The following DCAF5 variants were observed in gnomAD, a reference collection of about 807,000 sequenced individuals.
DCAF5 encodes the protein DDB1 and CUL4 associated factor 5.
Under a neutral mutation model 80.7 loss-of-function variants are expected in DCAF5, and 9 were observed. The ratio of observed to expected loss-of-function variants is 0.11; its 90% CI spans 0.07 to 0.19. DCAF5 has a LOEUF of 0.19. DCAF5 is among the 10% of genes least tolerant of loss of function. The pLI, the probability that DCAF5 is intolerant of heterozygous loss-of-function variation, is 1.00. For synonymous variants in DCAF5, 433 were observed against 461.9 expected (o/e 0.94, Z 0.80); for missense variants, 842 against 1,205.7 (o/e 0.70, Z 4.47).
At chr14:69,110,160 T>G (rs1384009788) in intron 5 of DCAF5, among the ~76,000 whole-genome samples, 1 of 152,164 alleles carries the variant, frequency 6.6e-6, no homozygotes, top group Non-Finnish European at 1.5e-5. Context: ...TTAAATTGAT[T>G]TTTTGTTTTT....
At chr14:69,071,046 C>A (rs376502523) in intron 7 of DCAF5, among the ~76,000 whole-genome samples, 1 of 152,132 alleles carries the variant, frequency 6.6e-6, no homozygotes, top group African/African-American at 2.4e-5. Context: ...GATCTGCCCC[C>A]CTCAGCCTCC....
At position 69,104,515 on chromosome 14, in the gene DCAF5, G is replaced by A. The variant is rs114152113; in HGVS notation, c.665+11851C>T. Among the ~76,000 whole-genome samples the A allele has an allele frequency of 8.7e-3, 1,330 of 152,036 alleles. 20 individuals are homozygous for A. Among genetic ancestry groups the A allele is most frequent in the African/African-American group, 0.031 (1,265 of 41,472 alleles). On this transcript the variant is annotated intron_variant, in intron 5 of 8. Transcript: ENST00000341516. ...GCATAAGCTAGAATATAAGAAATTCGTAAGACAAATAATCCAGTTTCTTCA... is the reference window on the plus strand; with the variant it reads ...GCATAAGCTAGAATATAAGAAATTCATAAGACAAATAATCCAGTTTCTTCA...
At chr14:69,148,752 C>CATATATGTTAACATATATGTTA (rs2041619977) in intron 1 of DCAF5, among the ~76,000 whole-genome samples, 3 of 152,178 alleles carry the variant, frequency 2.0e-5, no homozygotes, top group African/African-American at 7.2e-5. Flanking sequence ...AAAGCACCTT[C>CATATATGTTAACATATATGTTA]ACATATAACA....
chr14:69,120,233 G>A (rs2040675418), intron 2 of DCAF5, among the ~76,000 whole-genome samples: 1 of 151,958 alleles, frequency 6.6e-6, no homozygotes, highest in South Asian at 2.1e-4. Flanking sequence ...ACAGGCATGT[G>A]TCACTATGCC....
At position 69,142,253 on chromosome 14, in the gene DCAF5, C is replaced by G. The variant is rs900680482; in HGVS notation, c.214+10512G>C. ...GGGTCAAAGCTACAGTGAGCCGTAA[C>G]TGCCCCTGCACTCTGGTCTGAGCAA... On this transcript the variant is annotated intron_variant, in intron 1 of 8. Coordinates refer to ENST00000341516, the MANE Select transcript of DCAF5 (RefSeq NM_003861.3). 2.6e-5 allele frequency among the ~76,000 whole-genome samples: 4 copies of G among 152,328 alleles called. 1 individual carries two copies. In the South Asian group the frequency reaches 8.3e-4, roughly 32 times the overall value.
intron 6 of DCAF5, chr14:69,083,711 A>C (rs2039205864): frequency 3.1e-6 from 2 of 638,488 alleles, no homozygotes; most frequent in Non-Finnish European, 2.9e-6. Context: ...CCTAATTCAG[A>C]ATCAAAAAAG....
At chr14:69,111,808 G>T (rs924737176) in intron 5 of DCAF5, among the ~76,000 whole-genome samples, 1 of 152,164 alleles carries the variant, frequency 6.6e-6, no homozygotes, top group Non-Finnish European at 1.5e-5. Context: ...ATGTACACTT[G>T]TAAGTGTGAA....
intron 8 of DCAF5, among the ~76,000 whole-genome samples, chr14:69,057,461 G>A (rs1030891735): frequency 6.6e-6 from 1 of 151,746 alleles, no homozygotes; most frequent in Non-Finnish European, 1.5e-5. Context: ...AAATCTATTT[G>A]TACCTCACAG....
chr14:69,087,996 T>A (rs971822751), intron 6 of DCAF5, among the ~76,000 whole-genome samples: 3 of 152,180 alleles, frequency 2.0e-5, no homozygotes, highest in Non-Finnish European at 4.4e-5. Flanking sequence ...TTGTAATATT[T>A]TAAAACCAAG....
rs773153795 is a variant in DCAF5 at position 69,054,600 on chromosome 14, T to C, written c.2086A>G (p.Thr696Ala). 6.8e-6 allele frequency: 11 copies of C among 1,613,664 alleles called. No individual in the cohort carries two copies. In the Admixed American group the frequency reaches 1.8e-4, roughly 27 times the overall value. Residue 696 changes from threonine (T) to alanine (A), a missense_variant, in exon 9 of 9, where the codon ACC (threonine) becomes GCC (alanine). This residue lies in a region of DCAF5 where 607 missense variants were observed against 656.6 expected (regional missense o/e 0.92). Transcript: ENST00000341516. ...TGEADEGRAGTSHKDNPAPSS... is the reference protein window; with the variant it reads ...TGEADEGRAGASHKDNPAPSS... Reference sequence around the variant, plus strand: ...GGGGCTGGGTTGTCTTTGTGGCTGGTTCCTGCTCTCCCTTCATCTGCCTCC... The same window carrying C: ...GGGGCTGGGTTGTCTTTGTGGCTGGCTCCTGCTCTCCCTTCATCTGCCTCC...
At chr14:69,090,028 T>A in intron 6 of DCAF5, 1 of 985,370 alleles carries the variant, frequency 1.0e-6, no homozygotes, top group Non-Finnish European at 1.2e-6. Context: ...CTGAAGAAAA[T>A]CACCTTTCCC....
intron 5 of DCAF5, among the ~76,000 whole-genome samples, chr14:69,098,513 C>T (rs1013378847): frequency 2.0e-5 from 3 of 152,022 alleles, no homozygotes; most frequent in Non-Finnish European, 2.9e-5. Context: ...CATGCTTAAA[C>T]GGTGCCAGAC....
chr14:69,057,555 C>T (rs1331677481), intron 8 of DCAF5, among the ~76,000 whole-genome samples: 1 of 152,122 alleles, frequency 6.6e-6, no homozygotes, highest in African/African-American at 2.4e-5. Flanking sequence ...TTTTAAGTTC[C>T]AGTGTATTAC....
chr14:69,106,801 A>G (rs1040589678), intron 5 of DCAF5, among the ~76,000 whole-genome samples: 5 of 152,186 alleles, frequency 3.3e-5, no homozygotes, highest in African/African-American at 1.2e-4. Context: ...GCACATTGGG[A>G]GGCTGAGATG....
intron 1 of DCAF5, among the ~76,000 whole-genome samples, chr14:69,134,336 T>TA (rs2041128588): frequency 6.6e-6 from 1 of 152,220 alleles, no homozygotes; most frequent in Non-Finnish European, 1.5e-5. Flanking sequence ...ACCCGTGACT[T>TA]AGACTTTATA....
At chr14:69,142,762 G>A (rs561262062) in intron 1 of DCAF5, among the ~76,000 whole-genome samples, 3 of 152,166 alleles carry the variant, frequency 2.0e-5, no homozygotes, top group Non-Finnish European at 2.9e-5. Context: ...ATAACTATAT[G>A]AGGAAAGACA....
At position 69,054,699 on chromosome 14, in the gene DCAF5, C is replaced by A; in HGVS notation, c.1987G>T (p.Ala663Ser). 1 of 1,614,216 alleles carries A rather than the reference C, an allele frequency of 6.2e-7. No individual in the cohort carries two copies. ...IESVERKIYK[A>S]YKWLRYSYIS... ...TAAGAGTAGCGGAGCCACTTGTAAG[C>A]TTTATAAATTTTTCGCTCAACTGAT... Residue 663 changes from alanine (A) to serine (S), a missense_variant, in exon 9 of 9, where the codon GCT (alanine) becomes TCT (serine). Physicochemically the swap from Ala to Ser is moderately conservative, Grantham distance 99. Around this residue, in one of 5 missense-constraint regions of DCAF5, gnomAD observed 607 missense variants for 656.6 expected, o/e 0.92. Coordinates refer to ENST00000341516, the MANE Select transcript of DCAF5 (RefSeq NM_003861.3).
intron 1 of DCAF5, among the ~76,000 whole-genome samples, chr14:69,141,579 A>T (rs1264783754): frequency 6.6e-6 from 1 of 152,188 alleles, no homozygotes; most frequent in African/African-American, 2.4e-5. Context: ...GAATGAAAGG[A>T]ACACTAATAA....
intron 1 of DCAF5, among the ~76,000 whole-genome samples, chr14:69,136,808 T>C (rs563720967): frequency 6.6e-6 from 1 of 152,254 alleles, no homozygotes; most frequent in African/African-American, 2.4e-5. Context: ...CAAAGACTTA[T>C]CCAGCCCAAA....
Sources: gnomAD v4.1 joint callset for allele counts (sites outside exome capture counted in the v4.1 genomes callset) on GRCh38, gnomAD v4.1.1 for gene constraint, gnomAD v4.1.1 regional missense constraint, MANE v1.5 for transcripts, NCBI Gene and HGNC (gene_info 2026-07-23, HGNC 2026-07-21) for gene names.